The following COL9A1 variants were observed in gnomAD, a reference collection of about 807,000 sequenced individuals.
COL9A1 encodes collagen type IX alpha 1 chain, also known as collagen alpha-1(IX) chain.
In COL9A1, 104 loss-of-function variants were observed where a neutral mutation model predicts 142.6. That is an observed-to-expected ratio of 0.73 (90% CI 0.62 to 0.86). The LOEUF is 0.86. COL9A1 is among the 40% of genes least tolerant of loss of function. The pLI is 0.00. For synonymous variants in COL9A1, 466 were observed against 396.0 expected (o/e 1.18, Z -2.10); for missense variants, 1,210 against 1,176.6 (o/e 1.03, Z -0.42).
Position 70,294,595 on chromosome 6 carries a change from T to C in COL9A1, c.300-32A>G, listed in dbSNP as rs768590613. ...AAAATTTTTAAATAGTAAACATGCA[T>C]CTTGTTTCCTGTACCCATATGTATT... On this transcript the variant is annotated intron_variant, in intron 4 of 37. Transcript: ENST00000357250. 1.4e-5 allele frequency: 22 copies of C among 1,601,006 alleles called. No individual in the cohort carries two copies. The South Asian group carries it at 2.1e-4, about 15-fold the overall frequency.
At chr6:70,259,713 C>T (rs989609720) in intron 20 of COL9A1, among the ~76,000 whole-genome samples, 1 of 152,142 alleles carries the variant, frequency 6.6e-6, no homozygotes, top group Non-Finnish European at 1.5e-5. Context: ...ATTCATGTCT[C>T]TTTTGCTTGC....
At chr6:70,267,880 A>T (rs1437916918) in intron 17 of COL9A1, among the ~76,000 whole-genome samples, 2 of 152,138 alleles carry the variant, frequency 1.3e-5, no homozygotes, top group African/African-American at 2.4e-5. Context: ...ACCCACCAAA[A>T]CTACCCTTAG....
At chr6:70,281,084 A>C (rs757418605) in intron 8 of COL9A1, 45 bp from the exon 9 acceptor site, 1 of 1,541,286 alleles carries the variant, frequency 6.5e-7, no homozygotes, top group Non-Finnish European at 8.9e-7. Context: ...TGAGCGGGAT[A>C]GGCTGAGGAC....
At chr6:70,278,090 T>G (rs1378398901) in intron 10 of COL9A1, among the ~76,000 whole-genome samples, 1 of 152,230 alleles carries the variant, frequency 6.6e-6, no homozygotes, top group Admixed American at 6.5e-5. Context: ...AGATGCCTCA[T>G]GTGGCTTAAA....
intron 5 of COL9A1, among the ~76,000 whole-genome samples, chr6:70,293,736 T>C (rs1773742519): frequency 6.6e-6 from 1 of 151,794 alleles, no homozygotes; most frequent in Non-Finnish European, 1.5e-5. Context: ...GTGATCTACT[T>C]ATTAACTTTT....
downstream of COL9A1, chr6:70,215,428 C>T (rs1477484915): frequency 6.6e-6 from 1 of 152,172 alleles, no homozygotes; most frequent in Non-Finnish European, 1.5e-5. Flanking sequence ...TCTCCTTTGA[C>T]TTGACAGAAT....
intron 7 of COL9A1, among the ~76,000 whole-genome samples, chr6:70,282,512 C>A (rs1402108684): frequency 7.3e-6 from 1 of 136,528 alleles, no homozygotes; most frequent in East Asian, 2.6e-4. Context: ...GGAGAGGGAG[C>A]GTGCCTGGAT....
Position 70,281,384 on chromosome 6 carries a change from A to G in COL9A1, c.876+6T>C, listed in dbSNP as rs73473595. On this transcript the variant is annotated splice_donor_region_variant and intron_variant, in intron 8 of 37. Coordinates refer to ENST00000357250, the MANE Select transcript of COL9A1 (RefSeq NM_001851.6). ...GAACAGAGGTGGCCTGGAGATAGAA[A>G]CTTACGTCGATGCCATCGATGCCTG... is the stretch of plus-strand genomic sequence containing the variant. The G allele has an allele frequency of 8.8e-4, 1,425 of 1,611,756 alleles. 13 individuals carry two copies. In the African/African-American group the frequency reaches 0.015, roughly 16 times the overall value.
rs151296529 is a variant in COL9A1 at position 70,264,089 on chromosome 6, G to A, written c.1342-792C>T. Among the ~76,000 whole-genome samples the A allele has an allele frequency of 5.9e-5, 9 of 151,820 alleles. No individual in the cohort carries two copies. The East Asian group carries it at 1.7e-3, about 29-fold the overall frequency. ...CTCTAAACTTTGATTCTGCTCTACC[G>A]ATCTACTATATGATGTTGCCAATGC... is the stretch of plus-strand genomic sequence containing the variant. On this transcript the variant is annotated intron_variant, in intron 18 of 37. Transcript: ENST00000357250.
chr6:70,221,783 C>G (rs980948563), intron 37 of COL9A1, among the ~76,000 whole-genome samples: 2 of 152,140 alleles, frequency 1.3e-5, no homozygotes, highest in Non-Finnish European at 2.9e-5. Context: ...CTTTAAAATT[C>G]TCAGAGTGAC....
intron 25 of COL9A1, 99 bp from the exon 26 acceptor site, chr6:70,253,528 G>T (rs1259483499): frequency 3.4e-6 from 3 of 870,434 alleles, no homozygotes; most frequent in Non-Finnish European, 5.8e-6. Flanking sequence ...AGGGAATCAT[G>T]ATAACCTCAA....
intron 21 of COL9A1, 95 bp downstream of exon 21, chr6:70,256,673 T>C: frequency 1.0e-6 from 1 of 967,662 alleles, no homozygotes; most frequent in East Asian, 2.5e-5. Context: ...TTTTCCACTT[T>C]AATTATTCAC....
chr6:70,283,140 C>T, intron 6 of COL9A1: 1 of 1,528,138 alleles, frequency 6.5e-7, no homozygotes, highest in South Asian at 1.2e-5. Flanking sequence ...ATAGGTGGCA[C>T]TTCGTCCCTG....
chr6:70,283,394 G>C, intron 6 of COL9A1: 1 of 747,162 alleles, frequency 1.3e-6, no homozygotes, highest in Non-Finnish European at 2.1e-6. Flanking sequence ...GGCTGTCCTC[G>C]GAGACTTCCC....
intron 28 of COL9A1, among the ~76,000 whole-genome samples, chr6:70,248,797 A>G (rs557675802): frequency 2.0e-4 from 31 of 152,314 alleles, no homozygotes; most frequent in African/African-American, 7.2e-4. Context: ...GGTGGGAAAC[A>G]CAGCGGTGAA....
chr6:70,290,422 C>G (rs1254497871), intron 5 of COL9A1, among the ~76,000 whole-genome samples: 1 of 152,030 alleles, frequency 6.6e-6, no homozygotes, highest in East Asian at 1.9e-4. Context: ...CAACATATTA[C>G]AGCAGTGCAT....
At chr6:70,296,833 ATTTAT>A (rs1773866143) in intron 4 of COL9A1, among the ~76,000 whole-genome samples, 1 of 152,222 alleles carries the variant, frequency 6.6e-6, no homozygotes, top group Non-Finnish European at 1.5e-5. Flanking sequence ...TGCTTAAATA[ATTTAT>A]TTTATTTTTG....
intron 4 of COL9A1, among the ~76,000 whole-genome samples, chr6:70,295,378 C>T (rs1479903186): frequency 6.7e-6 from 1 of 149,640 alleles, no homozygotes; most frequent in Admixed American, 6.7e-5. Context: ...CCTCCACCTC[C>T]TGGGTTCAAG....
intron 30 of COL9A1, among the ~76,000 whole-genome samples, 192 bp from the exon 31 acceptor site, chr6:70,241,646 G>A (rs746762057): frequency 3.3e-5 from 5 of 152,118 alleles, no homozygotes; most frequent in Non-Finnish European, 7.3e-5. Context: ...TTTTCCAAGA[G>A]GCTCTGGAAC....
Sources: allele counts gnomAD v4.1 joint callset (sites outside exome capture counted in the v4.1 genomes callset), GRCh38; gene constraint gnomAD v4.1.1; transcripts MANE v1.5; gene names NCBI Gene and HGNC (gene_info 2026-07-23, HGNC 2026-07-21).